Variants in SHTN1 observed in about 807,000 individuals in gnomAD.
SHTN1 encodes shootin-1.
Under a neutral mutation model 83.1 loss-of-function variants are expected in SHTN1, and 42 were observed. The observed-to-expected ratio is 0.51, with a 90% confidence interval of 0.39 to 0.65. The LOEUF is 0.65. Among genes scored for constraint, SHTN1 ranks in the 30% least tolerant of loss-of-function variants. The pLI is 0.00. For synonymous variants in SHTN1, 224 were observed against 247.7 expected, an observed-to-expected ratio of 0.90 and a Z score of 0.90; for missense variants, 622 against 737.8, an observed-to-expected ratio of 0.84 and a Z score of 1.82.
intron 1 of SHTN1, among the ~76,000 whole-genome samples, chr10:116,979,628 C>T (rs1216005322): frequency 6.6e-6 from 1 of 152,136 alleles, no homozygotes; most frequent in African/African-American, 2.4e-5. Flanking sequence ...GAGACATGAG[C>T]CCACCAAACT....
intron 1 of SHTN1, among the ~76,000 whole-genome samples, chr10:117,059,107 G>C (rs1427032311): frequency 6.6e-6 from 1 of 152,114 alleles, no homozygotes; most frequent in Non-Finnish European, 1.5e-5. Context: ...CTGAATTGCA[G>C]ACTAACGAAT....
At chr10:117,017,422 C>T (rs1249433315) in intron 2 of SHTN1, among the ~76,000 whole-genome samples, 4 of 143,490 alleles carry the variant, frequency 2.8e-5, no homozygotes, top group African/African-American at 1.0e-4. Flanking sequence ...ACCCGGGAGG[C>T]AGAGCTTGCA....
rs11321262 is a variant in SHTN1 at position 117,098,396 on chromosome 10, C to CAAAA, written c.-189+27907_-189+27910dup. Among the ~76,000 whole-genome samples the CAAAA allele has an allele frequency of 9.8e-5, 6 of 61,032 alleles. No homozygotes were observed. The East Asian group carries it at 1.3e-3, about 13-fold the overall frequency. 40.0% of individuals were successfully genotyped at this position (61,032 alleles called of 152,430 possible). On this transcript the variant is annotated intron_variant, in intron 1 of 17. Coordinates refer to the SHTN1 transcript ENST00000392901. ...TGGGCGACCGAGGGACACTCCGTCT[C>CAAAA]AAAAAAAAAAAAAAAAAAAAAAAGT...
intron 2 of SHTN1, among the ~76,000 whole-genome samples, chr10:116,975,978 C>A (rs1160763182): frequency 6.6e-6 from 1 of 152,110 alleles, no homozygotes; most frequent in Non-Finnish European, 1.5e-5. Context: ...ACTAACAATA[C>A]AGAATTAGAA....
chr10:116,902,398 G>C (rs753103065), intron 15 of SHTN1, among the ~76,000 whole-genome samples: 45 of 152,260 alleles, frequency 3.0e-4, no homozygotes, highest in South Asian at 6.2e-4. Context: ...GCTCATGAAG[G>C]CTTCTTGAGC....
At chr10:116,931,942 C>T (rs1043330078) in intron 9 of SHTN1, among the ~76,000 whole-genome samples, 2 of 152,180 alleles carry the variant, frequency 1.3e-5, no homozygotes, top group Non-Finnish European at 2.9e-5. Flanking sequence ...TGCAAGGGAA[C>T]TTACAGACAG....
intron 1 of SHTN1, among the ~76,000 whole-genome samples, chr10:117,069,671 A>C (rs1853053258): frequency 6.6e-6 from 1 of 152,190 alleles, no homozygotes; most frequent in Admixed American, 6.5e-5. Context: ...TGGCTTTACC[A>C]CTCTGCTTGT....
chr10:117,010,413 TAAAA>T (rs1554930089), upstream of SHTN1, among the ~76,000 whole-genome samples: 1 of 151,226 alleles, frequency 6.6e-6, no homozygotes, highest in Non-Finnish European at 1.5e-5. Context: ...CAGAAAGTAT[TAAAA>T]AAAGAAAAGA....
chr10:116,897,602 A>G (rs893546995), intron 16 of SHTN1, among the ~76,000 whole-genome samples: 1 of 152,238 alleles, frequency 6.6e-6, no homozygotes, highest in Admixed American at 6.5e-5. Flanking sequence ...TCCCAGCAAT[A>G]TAATTGTAAG....
At chr10:117,073,073 A>C (rs1323998699) in intron 1 of SHTN1, among the ~76,000 whole-genome samples, 1 of 152,240 alleles carries the variant, frequency 6.6e-6, no homozygotes, top group Non-Finnish European at 1.5e-5. Context: ...AATGCTCTGG[A>C]AAGTCTCAGC....
chr10:117,010,772 C>T (rs1852092078), intron 2 of SHTN1, among the ~76,000 whole-genome samples: 1 of 152,102 alleles, frequency 6.6e-6, no homozygotes, highest in Non-Finnish European at 1.5e-5. Context: ...AAAAGTGGTT[C>T]AACATAAGAA....
intron 16 of SHTN1, among the ~76,000 whole-genome samples, chr10:116,892,513 T>A (rs1273692959): frequency 1.3e-5 from 2 of 152,214 alleles, no homozygotes; most frequent in Non-Finnish European, 2.9e-5. Context: ...TTAAGAGACA[T>A]AGTCTTCCAC....
chr10:116,900,712 A>G (rs1399959869), intron 16 of SHTN1: 1 of 983,804 alleles, frequency 1.0e-6, no homozygotes, highest in Non-Finnish European at 1.2e-6. Context: ...TGGAGAATGA[A>G]TATAGATCAT....
chr10:117,051,592 G>A (rs1220830881), intron 1 of SHTN1, among the ~76,000 whole-genome samples: 2 of 151,838 alleles, frequency 1.3e-5, no homozygotes, highest in African/African-American at 4.8e-5. Context: ...TCCCAGGAAT[G>A]CACAGGTAGT....
chr10:117,071,663 A>G (rs1227427191), intron 1 of SHTN1, among the ~76,000 whole-genome samples: 1 of 152,146 alleles, frequency 6.6e-6, no homozygotes, highest in Non-Finnish European at 1.5e-5. Flanking sequence ...GGGGCCTCAA[A>G]TCACATAATT....
chr10:117,094,330 T>G (rs998228331), intron 1 of SHTN1, among the ~76,000 whole-genome samples: 1 of 152,232 alleles, frequency 6.6e-6, no homozygotes, highest in African/African-American at 2.4e-5. Context: ...TCATCAGCAC[T>G]GTAGGAAGAT....
intron 2 of SHTN1, among the ~76,000 whole-genome samples, chr10:117,038,432 A>T (rs1289437246): frequency 1.3e-5 from 2 of 151,872 alleles, no homozygotes; most frequent in African/African-American, 4.8e-5. Flanking sequence ...GAGCCAATGC[A>T]CCCAGCCGCA....
chr10:116,968,057 T>C (rs995879527), intron 3 of SHTN1, among the ~76,000 whole-genome samples: 4 of 152,042 alleles, frequency 2.6e-5, no homozygotes, highest in Non-Finnish European at 5.9e-5. Context: ...TGGTGTGCGC[T>C]TGTAGTTCCA....
intron 8 of SHTN1, among the ~76,000 whole-genome samples, chr10:116,941,196 C>A (rs922584054): frequency 2.0e-5 from 3 of 152,156 alleles, no homozygotes; most frequent in Non-Finnish European, 2.9e-5. Context: ...GGACTTAAAC[C>A]CATATCTGAT....
Sources: allele counts gnomAD v4.1 joint callset (sites outside exome capture counted in the v4.1 genomes callset), GRCh38; gene constraint gnomAD v4.1.1; transcripts MANE v1.5; gene names NCBI Gene and HGNC (gene_info 2026-07-23, HGNC 2026-07-21).